Variants in PEAK1 observed in about 807,000 individuals in gnomAD.
PEAK1 encodes inactive tyrosine-protein kinase PEAK1.
In PEAK1, 54 loss-of-function variants were observed where a neutral mutation model predicts 124.7. The ratio of observed to expected loss-of-function variants is 0.43; its 90% confidence interval spans 0.35 to 0.54. PEAK1 has a LOEUF of 0.54. Ranked by LOEUF, PEAK1 falls within the 20% of genes least tolerant of loss-of-function variation. The pLI is 0.01. For synonymous variants in PEAK1, 719 were observed against 760.0 expected (o/e 0.95, Z 0.89); for missense variants, 2,046 against 2,134.5 (o/e 0.96, Z 0.82).
intron 5 of PEAK1, among the ~76,000 whole-genome samples, chr15:77,263,468 T>A (rs191774661): frequency 6.6e-6 from 1 of 152,124 alleles, no homozygotes; most frequent in African/African-American, 2.4e-5. Context: ...CAGAGAATAC[T>A]ATAAACACCT....
chr15:77,345,728 T>A (rs1312531057), intron 2 of PEAK1: 2 of 228,116 alleles, frequency 8.8e-6, no homozygotes, highest in African/African-American at 4.7e-5. Flanking sequence ...TCAAAATGGC[T>A]AAAATAATTT....
intron 5 of PEAK1, among the ~76,000 whole-genome samples, chr15:77,263,746 C>T (rs376436137): frequency 6.6e-6 from 1 of 152,198 alleles, no homozygotes; most frequent in Non-Finnish European, 1.5e-5. Flanking sequence ...TCCTCCCTAA[C>T]TCATTTTATG....
chr15:77,316,734 A>G (rs567643842), intron 2 of PEAK1, among the ~76,000 whole-genome samples: 1 of 152,340 alleles, frequency 6.6e-6, no homozygotes, highest in Non-Finnish European at 1.5e-5. Context: ...CAACATAGCT[A>G]TTAAAACTAT....
At chr15:77,295,698 G>C (rs2063450562) in intron 2 of PEAK1, among the ~76,000 whole-genome samples, 1 of 152,200 alleles carries the variant, frequency 6.6e-6, no homozygotes, top group Non-Finnish European at 1.5e-5. Flanking sequence ...CAGTGGATCA[G>C]ACTTCTTATC....
intron 8 of PEAK1, chr15:77,157,530 C>A (rs2055261564): frequency 6.6e-6 from 1 of 152,244 alleles, no homozygotes; most frequent in African/African-American, 2.4e-5. Context: ...TTGGCAGGCA[C>A]CTCTGAAGTA....
chr15:77,386,875 C>A (rs2069992159), intron 1 of PEAK1, among the ~76,000 whole-genome samples: 1 of 152,118 alleles, frequency 6.6e-6, no homozygotes, highest in Non-Finnish European at 1.5e-5. Context: ...CTGGCTACTA[C>A]ACAACAGAAA....
intron 2 of PEAK1, chr15:77,334,136 T>A (rs1221660464): frequency 2.2e-6 from 2 of 920,760 alleles, no homozygotes; most frequent in Non-Finnish European, 2.6e-6. Context: ...ACTTAAGAGA[T>A]TTTTTTTCTC....
chr15:77,377,142 T>C (rs554088892), intron 1 of PEAK1, among the ~76,000 whole-genome samples: 10 of 152,308 alleles, frequency 6.6e-5, no homozygotes, highest in East Asian at 3.9e-4. Flanking sequence ...CCCAACACTT[T>C]GGGAGACCAA....
chr15:77,402,407 A>G (rs1017572965), intron 1 of PEAK1: 1 of 985,380 alleles, frequency 1.0e-6, no homozygotes, highest in African/African-American at 1.7e-5. Flanking sequence ...CAATCAACAT[A>G]TCACCCATTT....
At chr15:77,197,000 G>A (rs2058137067) in intron 6 of PEAK1, among the ~76,000 whole-genome samples, 1 of 150,812 alleles carries the variant, frequency 6.6e-6, no homozygotes, top group Non-Finnish European at 1.5e-5. Flanking sequence ...ACAGGTGTCT[G>A]CCACTATGCC....
chr15:77,300,365 T>C (rs1173902702), intron 2 of PEAK1, among the ~76,000 whole-genome samples: 1 of 152,210 alleles, frequency 6.6e-6, no homozygotes, highest in Non-Finnish European at 1.5e-5. Flanking sequence ...CAACAGATAA[T>C]TGCCAAAGTA....
chr15:77,267,779 A>T (rs953397028), intron 5 of PEAK1, among the ~76,000 whole-genome samples: 34 of 152,172 alleles, frequency 2.2e-4, no homozygotes, highest in Admixed American at 2.1e-3. Flanking sequence ...CAGAAAAACA[A>T]TTCTGATAAT....
intron 2 of PEAK1, chr15:77,350,216 C>G: frequency 7.1e-6 from 7 of 985,334 alleles, no homozygotes; most frequent in Non-Finnish European, 8.4e-6. Context: ...GGTGAGAACA[C>G]AAAAGAACAA....
intron 2 of PEAK1, among the ~76,000 whole-genome samples, chr15:77,316,744 T>C (rs2064902531): frequency 6.6e-6 from 1 of 152,144 alleles, no homozygotes; most frequent in Non-Finnish European, 1.5e-5. Flanking sequence ...ATTAAAACTA[T>C]ATGTATACCT....
chr15:77,391,958 T>TA (rs2070495428), intron 1 of PEAK1, among the ~76,000 whole-genome samples: 1 of 152,202 alleles, frequency 6.6e-6, no homozygotes, highest in Non-Finnish European at 1.5e-5. Flanking sequence ...AGAAATACTT[T>TA]AAACTCTTAG....
At chr15:77,249,445 A>C (rs1388278550) in intron 6 of PEAK1, among the ~76,000 whole-genome samples, 1 of 152,234 alleles carries the variant, frequency 6.6e-6, no homozygotes, top group Admixed American at 6.5e-5. Context: ...CACACCATTA[A>C]AAATCTAAAT....
At chr15:77,278,634 T>C (rs996701663) in intron 5 of PEAK1, 3 of 517,510 alleles carry the variant, frequency 5.8e-6, no homozygotes, top group Non-Finnish European at 1.2e-5. Flanking sequence ...AAAGGAGAAA[T>C]GGGAAAAGCT....
intron 9 of PEAK1, among the ~76,000 whole-genome samples, chr15:77,124,020 C>A (rs531716158): frequency 2.0e-5 from 3 of 152,348 alleles, no homozygotes; most frequent in African/African-American, 7.2e-5. Flanking sequence ...CTCACTGCCT[C>A]CACAGCTTCC....
exon 7 of PEAK1, chr15:77,101,363 A>C (rs2050692225): frequency 6.6e-6 from 1 of 152,228 alleles, no homozygotes; most frequent in Non-Finnish European, 1.5e-5. Flanking sequence ...GATTCTTACG[A>C]GGCCGAGATT....
Sources: gnomAD v4.1 joint callset for allele counts (sites outside exome capture counted in the v4.1 genomes callset) on GRCh38, gnomAD v4.1.1 for gene constraint, MANE v1.5 for transcripts, NCBI Gene and HGNC (gene_info 2026-07-23, HGNC 2026-07-21) for gene names.